SUGCT: variants seen among roughly 807,000 people sequenced by gnomAD.
The protein encoded by SUGCT is succinyl-CoA:glutarate CoA-transferase.
SUGCT carries 41 observed loss-of-function variants against 55.0 expected under a neutral mutation model. That is an observed-to-expected ratio of 0.74 (90% CI 0.58 to 0.97). The LOEUF (loss-of-function observed/expected upper bound fraction) is 0.97, where lower values mean the gene tolerates loss of function less well. SUGCT is among the 50% of genes least tolerant of loss of function. The pLI is 0.00. For missense variants in SUGCT, 568 were observed against 547.8 expected (o/e 1.04, Z -0.37); for synonymous variants, 187 against 200.4 (o/e 0.93, Z 0.56).
intron 6 of SUGCT, chr7:40,217,566 A>G (rs1368865924): frequency 1.3e-5 from 4 of 317,868 alleles, no homozygotes; most frequent in South Asian, 9.3e-5. Flanking sequence ...TTCCTCAGGT[A>G]TCAAAGCATC....
chr7:40,953,404 C>G, the SUGCT span, among the ~76,000 whole-genome samples: 3 of 152,212 alleles, frequency 2.0e-5, no homozygotes, highest in African/African-American at 7.2e-5. Context: ...TGAACTTCCT[C>G]CTTTAGCTTG....
At position 40,608,782 on chromosome 7, in the gene SUGCT, C is replaced by G. The variant is rs138562962; in HGVS notation, c.1089+112396C>G. 4.0e-3 allele frequency among the ~76,000 whole-genome samples: 612 copies of G among 152,064 alleles called. 2 individuals carry two copies. Among genetic ancestry groups the G allele is most frequent in the African/African-American group, 0.013 (555 of 41,472 alleles). ...TTACAAAGTCTGTTTTACCAATGAG[C>G]CAAAAATGGTAAAAAGAAAAGAGGG... On this transcript the variant is annotated intron_variant, in intron 12 of 13. Coordinates refer to ENST00000335693, the MANE Select transcript of SUGCT (RefSeq NM_001193313.2).
chr7:41,008,382 A>T, the SUGCT span, among the ~76,000 whole-genome samples: 1 of 152,046 alleles, frequency 6.6e-6, no homozygotes, highest in African/African-American at 2.4e-5. Flanking sequence ...TGGCTCCAGC[A>T]CCTCCTCTCA....
At chr7:40,307,841 A>G (rs1342156190) in intron 8 of SUGCT, among the ~76,000 whole-genome samples, 1 of 152,106 alleles carries the variant, frequency 6.6e-6, no homozygotes, top group Admixed American at 6.6e-5. Context: ...TGTGAGGGAG[A>G]AAGTGAAGCA....
chr7:40,865,713 G>A (rs1161199161), downstream of SUGCT, among the ~76,000 whole-genome samples: 3 of 152,242 alleles, frequency 2.0e-5, no homozygotes, highest in African/African-American at 2.4e-5. Context: ...CTGCTCCAGC[G>A]TCAGGCTGGG....
chr7:40,620,127 C>T (rs926607521), intron 12 of SUGCT, among the ~76,000 whole-genome samples: 4 of 152,156 alleles, frequency 2.6e-5, no homozygotes, highest in African/African-American at 7.2e-5. Flanking sequence ...ATTCAAGCCA[C>T]GGTGTGCATG....
intron 12 of SUGCT, chr7:40,539,450 A>G (rs576288224): frequency 6.6e-6 from 1 of 152,354 alleles, no homozygotes; most frequent in African/African-American, 2.4e-5. Flanking sequence ...AGTCCAGCAC[A>G]TTCAGAAATG....
intron 12 of SUGCT, among the ~76,000 whole-genome samples, chr7:40,727,451 G>T (rs1379133027): frequency 6.6e-6 from 1 of 152,118 alleles, no homozygotes; most frequent in Non-Finnish European, 1.5e-5. Flanking sequence ...ATTTAGTCAA[G>T]TTCCAAGGCC....
chr7:40,607,980 T>C (rs572152879), intron 12 of SUGCT, among the ~76,000 whole-genome samples: 1 of 152,350 alleles, frequency 6.6e-6, no homozygotes, highest in South Asian at 2.1e-4. Flanking sequence ...ATTTCCAAGA[T>C]GGGCTTCAGG....
chr7:40,468,333 CTTATTTT>C (rs1790230322), intron 11 of SUGCT, among the ~76,000 whole-genome samples: 1 of 151,928 alleles, frequency 6.6e-6, no homozygotes, highest in Admixed American at 6.6e-5. Context: ...CTGTAATTTC[CTTATTTT>C]TTATTTTCTC....
At chr7:40,173,315 C>G (rs570766581) in intron 1 of SUGCT, among the ~76,000 whole-genome samples, 1 of 152,224 alleles carries the variant, frequency 6.6e-6, no homozygotes, top group African/African-American at 2.4e-5. Flanking sequence ...AGAAACACAG[C>G]GGACACCCTG....
Position 40,773,312 on chromosome 7 carries a change from A to G in SUGCT, c.1153+23815A>G, listed in dbSNP as rs553248518. Among the ~76,000 whole-genome samples, 5 of 152,176 alleles carry G rather than the reference A, an allele frequency of 3.3e-5. 1 individual carries two copies. The highest frequency in any genetic ancestry group is 1.2e-4 in the African/African-American group (5 of 41,518). On this transcript the variant is annotated intron_variant, in intron 13 of 13. Transcript: ENST00000335693. ...CCCACGTAATTTTTGTATGTTTAGT[A>G]GAGAAGGGGTTTCACCATGTTGGCC...
In SUGCT at chr7:40,345,241, G is replaced by A. The variant is rs905745439; in HGVS notation, c.816+28386G>A. 1.7e-4 allele frequency among the ~76,000 whole-genome samples: 26 copies of A among 151,618 alleles called. No homozygotes were observed. In the East Asian group the frequency reaches 3.3e-3, roughly 19 times the overall value. On this transcript the variant is annotated intron_variant, in intron 9 of 13. Coordinates refer to ENST00000335693, the MANE Select transcript of SUGCT (RefSeq NM_001193313.2). ...CCAGTCAGAGGGTTTGAGTGTATAA[G>A]GTATGGAGGGAAGAATGTATCCAGA...
At chr7:40,407,646 G>A (rs867278852) in intron 9 of SUGCT, among the ~76,000 whole-genome samples, 5 of 151,920 alleles carry the variant, frequency 3.3e-5, no homozygotes, top group Non-Finnish European at 5.9e-5. Context: ...ATCTTCCCTC[G>A]TTCTATTTTG....
intron 9 of SUGCT, among the ~76,000 whole-genome samples, chr7:40,327,254 T>C (rs1392261388): frequency 8.8e-6 from 1 of 113,362 alleles, no homozygotes; most frequent in African/African-American, 3.5e-5. Flanking sequence ...CAAGACAAAA[T>C]CTTTTGTTTG....
At chr7:40,699,260 CTG>C (rs1303371196) in intron 12 of SUGCT, among the ~76,000 whole-genome samples, 2 of 152,120 alleles carry the variant, frequency 1.3e-5, no homozygotes, top group Non-Finnish European at 2.9e-5. Context: ...TTTGGGGACA[CTG>C]AGAAATATAT....
At chr7:40,498,560 T>C (rs1562819286) in intron 12 of SUGCT, among the ~76,000 whole-genome samples, 2 of 152,192 alleles carry the variant, frequency 1.3e-5, no homozygotes, top group East Asian at 3.9e-4. Flanking sequence ...TGTAAAACCC[T>C]TGGTGATCTG....
chr7:40,285,494 G>A (rs889450147), intron 8 of SUGCT, among the ~76,000 whole-genome samples: 43 of 137,834 alleles, frequency 3.1e-4, no homozygotes, highest in Admixed American at 7.6e-4. Flanking sequence ...TCTTTTTTCG[G>A]GGGGGGGCAA....
intron 9 of SUGCT, among the ~76,000 whole-genome samples, chr7:40,437,611 C>G (rs1462703185): frequency 6.6e-6 from 1 of 152,170 alleles, no homozygotes; most frequent in Non-Finnish European, 1.5e-5. Flanking sequence ...CAGTCTGTGC[C>G]TCATTGCCAT....
Sources: gnomAD v4.1 joint callset for allele counts (sites outside exome capture counted in the v4.1 genomes callset) on GRCh38, gnomAD v4.1.1 for gene constraint, MANE v1.5 for transcripts, NCBI Gene and HGNC (gene_info 2026-07-23, HGNC 2026-07-21) for gene names.